CCDC102B: variants seen among roughly 807,000 people sequenced by gnomAD.
CCDC102B encodes coiled-coil domain containing 102B.
In CCDC102B, 75 loss-of-function variants were observed where a neutral mutation model predicts 57.4. The observed-to-expected ratio is 1.31, with a 90% CI of 1.08 to 1.58. The LOEUF (loss-of-function observed/expected upper bound fraction) is 1.58, where lower values mean the gene tolerates loss of function less well. CCDC102B is among the 40% of genes most tolerant of loss of function. CCDC102B has a pLI of 0.00. For missense variants in CCDC102B, 636 were observed against 582.6 expected, an observed-to-expected ratio of 1.09 and a Z score of -0.94; for synonymous variants, 206 against 201.9, an observed-to-expected ratio of 1.02 and a Z score of -0.17.
intron 5 of CCDC102B, among the ~76,000 whole-genome samples, chr18:68,888,952 T>C (rs190416271): frequency 6.6e-6 from 1 of 152,216 alleles, no homozygotes; most frequent in Non-Finnish European, 1.5e-5. Context: ...TTTATTATAA[T>C]TGGTAGTTGC....
chr18:68,982,450 G>C (rs1238270230), intron 6 of CCDC102B, among the ~76,000 whole-genome samples: 4 of 151,882 alleles, frequency 2.6e-5, no homozygotes, highest in African/African-American at 9.6e-5. Flanking sequence ...TAATTTTAAA[G>C]ATTATATGCA....
chr18:68,932,475 A>T (rs980092256), intron 6 of CCDC102B, among the ~76,000 whole-genome samples: 10 of 151,910 alleles, frequency 6.6e-5, no homozygotes, highest in African/African-American at 2.4e-4. Flanking sequence ...AATTATGTTG[A>T]TAAAGATCAT....
chr18:68,915,421 A>G (rs2041036068), intron 6 of CCDC102B, among the ~76,000 whole-genome samples: 1 of 152,138 alleles, frequency 6.6e-6, no homozygotes, highest in Non-Finnish European at 1.5e-5. Flanking sequence ...TTCTAAATAT[A>G]TGGTTTATTT....
chr18:69,043,127 C>A (rs2052473151), intron 7 of CCDC102B, among the ~76,000 whole-genome samples: 1 of 152,070 alleles, frequency 6.6e-6, no homozygotes, highest in Admixed American at 6.6e-5. Flanking sequence ...AAGGTCTTTG[C>A]ATCATAGACA....
At chr18:68,766,166 C>T (rs1225892936) in intron 2 of CCDC102B, among the ~76,000 whole-genome samples, 1 of 151,972 alleles carries the variant, frequency 6.6e-6, no homozygotes, top group African/African-American at 2.4e-5. Context: ...TTTCTCTTTT[C>T]TTAGAATCAT....
chr18:68,767,763 G>T (rs1412233421), intron 2 of CCDC102B, among the ~76,000 whole-genome samples: 1 of 152,036 alleles, frequency 6.6e-6, no homozygotes, highest in Non-Finnish European at 1.5e-5. Context: ...AATTTATCAA[G>T]ATTTATGTTA....
In CCDC102B at chr18:68,977,995, C is replaced by T. The variant is rs546483164; in HGVS notation, c.1264-32939C>T. Among the ~76,000 whole-genome samples the T allele has an allele frequency of 5.3e-5, 8 of 152,076 alleles. No individual in the cohort carries two copies. In the South Asian group the frequency reaches 1.2e-3, roughly 24 times the overall value. ...GTAGTGGTCTACTCCCTACCTGTGA[C>T]GTATTTGAAGTAGTCCACTGCCAGA... On this transcript the variant is annotated intron_variant, in intron 6 of 7. Coordinates refer to ENST00000360242, the MANE Select transcript of CCDC102B (RefSeq NM_024781.3).
At chr18:69,009,175 G>T (rs73967758) in intron 6 of CCDC102B, among the ~76,000 whole-genome samples, 3,439 of 152,156 alleles carry the variant, frequency 0.023, 130 homozygotes, top group African/African-American at 0.077. Context: ...CATTTTACTG[G>T]CAGATTACCT....
chr18:69,012,135 G>T (rs147941449), intron 7 of CCDC102B, among the ~76,000 whole-genome samples: 2 of 152,176 alleles, frequency 1.3e-5, no homozygotes, highest in African/African-American at 4.8e-5. Context: ...TGATATTCAT[G>T]TGTGGTGGGG....
chr18:68,970,559 C>G (rs2050274510), intron 6 of CCDC102B, among the ~76,000 whole-genome samples: 2 of 150,786 alleles, frequency 1.3e-5, no homozygotes, highest in Admixed American at 6.6e-5. Context: ...CTAATCTCAT[C>G]TTTTCCACCT....
chr18:68,797,306 T>C (rs78810825), upstream of CCDC102B, among the ~76,000 whole-genome samples: 1 of 152,182 alleles, frequency 6.6e-6, no homozygotes, highest in Non-Finnish European at 1.5e-5. Context: ...GTTGTTTTTT[T>C]GCTACTTAAA....
At chr18:68,761,007 G>T (rs1368510025) in intron 2 of CCDC102B, among the ~76,000 whole-genome samples, 1 of 151,934 alleles carries the variant, frequency 6.6e-6, no homozygotes, top group Non-Finnish European at 1.5e-5. Flanking sequence ...ACTTATTTCT[G>T]ACCAATGAAT....
intron 2 of CCDC102B, chr18:68,838,439 G>C: frequency 1.0e-6 from 1 of 985,294 alleles, no homozygotes; most frequent in Non-Finnish European, 1.2e-6. Context: ...GTTATTTTTA[G>C]CTGCGATTAG....
intron 2 of CCDC102B, among the ~76,000 whole-genome samples, chr18:68,727,665 C>T (rs557601762): frequency 5.9e-5 from 9 of 152,298 alleles, no homozygotes; most frequent in African/African-American, 1.4e-4. Context: ...CTCAAGGATA[C>T]ATGGCAATTG....
intron 6 of CCDC102B, among the ~76,000 whole-genome samples, chr18:68,955,273 A>G (rs915112320): frequency 1.3e-5 from 2 of 152,126 alleles, no homozygotes; most frequent in African/African-American, 2.4e-5. Flanking sequence ...GAAGGAAAAA[A>G]CACAATAGGA....
intron 6 of CCDC102B, among the ~76,000 whole-genome samples, chr18:69,009,809 A>G (rs1430376364): frequency 6.6e-6 from 1 of 151,568 alleles, no homozygotes; most frequent in Non-Finnish European, 1.5e-5. Context: ...TTTTGTATAT[A>G]AAGTAATATG....
intron 6 of CCDC102B, among the ~76,000 whole-genome samples, chr18:68,986,613 G>C (rs2050730997): frequency 6.6e-6 from 1 of 151,710 alleles, no homozygotes; most frequent in Non-Finnish European, 1.5e-5. Flanking sequence ...AATAGGAAAA[G>C]AAGAAATCCA....
At chr18:68,717,187 C>T (rs960156802) in intron 2 of CCDC102B, among the ~76,000 whole-genome samples, 7 of 151,930 alleles carry the variant, frequency 4.6e-5, no homozygotes, top group Admixed American at 1.3e-4. Context: ...GAGGTTGCAG[C>T]GAGGTGTGAT....
At chr18:69,023,000 A>G (rs1380017246) in intron 7 of CCDC102B, among the ~76,000 whole-genome samples, 1 of 151,878 alleles carries the variant, frequency 6.6e-6, no homozygotes, top group African/African-American at 2.4e-5. Flanking sequence ...AAAAAAAAAT[A>G]GAAAAGCAGG....
Sources: allele counts gnomAD v4.1 joint callset (sites outside exome capture counted in the v4.1 genomes callset), GRCh38; gene constraint gnomAD v4.1.1; transcripts MANE v1.5; gene names NCBI Gene and HGNC (gene_info 2026-07-23, HGNC 2026-07-21).